DOP1A: variants seen among roughly 807,000 people sequenced by gnomAD.
The protein encoded by DOP1A is DOP1 leucine zipper like protein A.
DOP1A carries 90 observed loss-of-function variants against 267.6 expected under a neutral mutation model. The observed-to-expected ratio is 0.34, with a 90% CI of 0.28 to 0.40. The LOEUF (loss-of-function observed/expected upper bound fraction) is 0.40, where lower values mean the gene tolerates loss of function less well. Among genes scored for constraint, DOP1A ranks in the 10% least tolerant of loss-of-function variants. The probability of loss-of-function intolerance (pLI) is 1.00; values close to 1 mark genes in which losing one functional copy is unlikely to be tolerated. For missense variants in DOP1A, 2,437 were observed against 2,900.4 expected, an observed-to-expected ratio of 0.84 and a Z score of 3.67; for synonymous variants, 932 against 999.1, an observed-to-expected ratio of 0.93 and a Z score of 1.27.
chr6:83,167,387 T>G, intron 38 of DOP1A: 1 of 984,666 alleles, frequency 1.0e-6, no homozygotes, highest in Non-Finnish European at 1.2e-6. Flanking sequence ...GCTACCATCA[T>G]GGCAAATTTA....
chr6:83,163,019 G>C (rs1485349348), intron 38 of DOP1A, 100 bp downstream of exon 38: 1 of 1,355,594 alleles, frequency 7.4e-7, no homozygotes. Context: ...ACGTTATCAA[G>C]TTGAGCTATT....
chr6:83,165,989 G>T, intron 38 of DOP1A: 2 of 327,060 alleles, frequency 6.1e-6, no homozygotes, highest in South Asian at 6.3e-5. Context: ...GTTTGGCTTT[G>T]GGAAGTGCTT....
At chr6:83,097,190 A>G in intron 3 of DOP1A, 75 bp downstream of exon 3, 1 of 1,489,402 alleles carries the variant, frequency 6.7e-7, no homozygotes, top group Non-Finnish European at 9.1e-7. Context: ...GATTTCTCGA[A>G]ATCTTGAAGT....
chr6:83,122,934 CTTA>C lies in DOP1A; in HGVS notation c.1297_1299del (p.Tyr433del), dbSNP rs1324235802. The C allele has an allele frequency of 1.3e-6, 2 of 1,576,434 alleles. No individual in the cohort carries two copies. Among genetic ancestry groups the C allele is most frequent in the Non-Finnish European group, 1.7e-6 (2 of 1,166,060 alleles). On this transcript the variant is annotated inframe_deletion, in exon 12 of 39. Transcript: ENST00000349129. ...AACCTTCTCTTTAATTCCTTCGAAC[CTTA>C]TTATATGTGGGATTATGTTGCACGC...
intron 33 of DOP1A, among the ~76,000 whole-genome samples, chr6:83,154,751 C>T (rs945420636): frequency 1.3e-5 from 2 of 151,764 alleles, no homozygotes; most frequent in Non-Finnish European, 2.9e-5. Flanking sequence ...TCTTTCTACT[C>T]TTGATTGTTT....
chr6:83,097,813 AG>A (rs1771768347), intron 3 of DOP1A, among the ~76,000 whole-genome samples: 1 of 151,698 alleles, frequency 6.6e-6, no homozygotes, highest in South Asian at 2.1e-4. Flanking sequence ...GAGGTTACAT[AG>A]GAAAGGAGTG....
chr6:83,132,537 T>C (rs1161944094), intron 18 of DOP1A, among the ~76,000 whole-genome samples: 2 of 152,104 alleles, frequency 1.3e-5, no homozygotes, highest in African/African-American at 4.8e-5. Context: ...ATCAGTAATA[T>C]GAAAAATTAA....
chr6:83,169,738 T>C (rs765032472), downstream of DOP1A: 2 of 458,444 alleles, frequency 4.4e-6, no homozygotes, highest in South Asian at 3.1e-5. Flanking sequence ...TCCTCCTGAT[T>C]CCCTATTCAG....
At position 83,125,744 on chromosome 6, in the gene DOP1A, C is replaced by T. The variant is rs1777053120; in HGVS notation, c.1719+11C>T. 6.2e-7 allele frequency: 1 copy of T among 1,601,326 alleles called. No homozygotes were observed. Among genetic ancestry groups the T allele is most frequent in the South Asian group, 1.1e-5 (1 of 90,608 alleles). On this transcript the variant is annotated intron_variant, in intron 15 of 38. Coordinates refer to ENST00000349129, the MANE Select transcript of DOP1A (RefSeq NM_015018.4). ...TGGGAAGACAAAAAGGTAATTTTAACTATTATTTTTGGTATTAGACTGTTC... is the reference window on the plus strand; with the variant it reads ...TGGGAAGACAAAAAGGTAATTTTAATTATTATTTTTGGTATTAGACTGTTC...
chr6:83,148,703 A>G, intron 26 of DOP1A, 56 bp from the exon 27 acceptor site: 1 of 1,181,582 alleles, frequency 8.5e-7, no homozygotes, highest in Non-Finnish European at 1.2e-6. Context: ...TGTTCCACAA[A>G]CTAGTAGAAA....
chr6:83,154,929 T>C (rs756587580), intron 33 of DOP1A, among the ~76,000 whole-genome samples: 2 of 152,248 alleles, frequency 1.3e-5, no homozygotes, highest in Non-Finnish European at 2.9e-5. Context: ...GGATATCTGT[T>C]TTATCTTCAT....
intron 17 of DOP1A, among the ~76,000 whole-genome samples, chr6:83,131,324 T>C (rs1361909788): frequency 6.6e-6 from 1 of 152,142 alleles, no homozygotes; most frequent in Non-Finnish European, 1.5e-5. Context: ...TAGATTAGAG[T>C]TGGATTCTAT....
chr6:83,081,866 A>T (rs1001693808), intron 1 of DOP1A, among the ~76,000 whole-genome samples: 14 of 152,210 alleles, frequency 9.2e-5, no homozygotes, highest in African/African-American at 2.9e-4. Context: ...TAAAATATGC[A>T]AAAGACCTGA....
intron 38 of DOP1A, 49 bp downstream of exon 38, chr6:83,162,968 A>G: frequency 6.5e-7 from 1 of 1,550,306 alleles, no homozygotes; most frequent in Non-Finnish European, 8.8e-7. Flanking sequence ...TACATGTTGC[A>G]TTAGTGAGGT....
intron 1 of DOP1A, among the ~76,000 whole-genome samples, chr6:83,083,773 T>C (rs983867724): frequency 6.6e-6 from 1 of 152,208 alleles, no homozygotes; most frequent in African/African-American, 2.4e-5. Flanking sequence ...CTTAAGTGTT[T>C]ATTATTATGG....
rs150817669 is a variant in DOP1A at position 83,140,909 on chromosome 6, C to T, written c.5415+506C>T. On this transcript the variant is annotated intron_variant, in intron 23 of 38. Coordinates refer to ENST00000349129, the MANE Select transcript of DOP1A (RefSeq NM_015018.4). ...CATTTTAAATTGACATTTTAATATG[C>T]AAAGCCCTCCTAGAAAACAATTTAG... Among the ~76,000 whole-genome samples, 377 of 151,830 alleles carry T rather than the reference C, an allele frequency of 2.5e-3. 2 individuals are homozygous for T. Among genetic ancestry groups the T allele is most frequent in the African/African-American group, 8.5e-3 (351 of 41,396 alleles).
Position 83,132,336 on chromosome 6 carries a change from C to G in DOP1A, c.2769+8C>G. On this transcript the variant is annotated splice_region_variant and intron_variant, in intron 18 of 38. Coordinates refer to ENST00000349129, the MANE Select transcript of DOP1A (RefSeq NM_015018.4). ...TTAACCCATAAAGATAAGGTAAATC[C>G]TCTTATCTTGTGCACACCGCCCCCT... The G allele has an allele frequency of 6.3e-7, 1 of 1,598,954 alleles. No homozygotes were observed. The highest frequency in any genetic ancestry group is 1.1e-5 in the South Asian group (1 of 90,324).
intron 21 of DOP1A, 77 bp from the exon 22 acceptor site, chr6:83,139,923 T>G (rs1779358467): frequency 1.1e-6 from 1 of 920,668 alleles, no homozygotes. Flanking sequence ...CCTGACACAT[T>G]GTGAGTATTT....
chr6:83,158,426 T>G, intron 35 of DOP1A, 141 bp from the exon 36 acceptor site: 3 of 714,628 alleles, frequency 4.2e-6, no homozygotes, highest in Non-Finnish European at 7.1e-6. Flanking sequence ...AGTTTTACCT[T>G]CAGAAACTAA....
Sources: allele counts gnomAD v4.1 joint callset (sites outside exome capture counted in the v4.1 genomes callset), GRCh38; gene constraint gnomAD v4.1.1; transcripts MANE v1.5; gene names NCBI Gene and HGNC (gene_info 2026-07-23, HGNC 2026-07-21).